Variants in ASB5 observed in about 807,000 individuals in gnomAD.
The protein encoded by ASB5 is ankyrin repeat and SOCS box protein 5.
A neutral mutation model predicts 42.1 loss-of-function variants in ASB5; 45 were observed. The observed-to-expected ratio is 1.07, with a 90% CI of 0.84 to 1.37. ASB5 has a LOEUF of 1.37. Among genes scored for constraint, ASB5 ranks in the 40% most tolerant of loss-of-function variants. The pLI is 0.00. For synonymous variants in ASB5, 147 were observed against 150.6 expected, an observed-to-expected ratio of 0.98 and a Z score of 0.18; for missense variants, 402 against 399.8, an observed-to-expected ratio of 1.01 and a Z score of -0.05.
chr4:176,224,221 ATTTTTTTTT>A (rs869080360), intron 2 of ASB5, among the ~76,000 whole-genome samples: 1,079 of 87,226 alleles, frequency 0.012, 24 homozygotes, highest in African/African-American at 0.048. Flanking sequence ...TGTGCATTTG[ATTTTTTTTT>A]TTTTTTTTTT....
intron 1 of ASB5, among the ~76,000 whole-genome samples, chr4:176,245,619 T>A (rs1753896092): frequency 6.6e-6 from 1 of 152,168 alleles, no homozygotes; most frequent in South Asian, 2.1e-4. Flanking sequence ...GTGGCACTAT[T>A]CACAATAGCA....
At chr4:176,219,915 G>A (rs948701637) in intron 5 of ASB5, among the ~76,000 whole-genome samples, 1 of 151,904 alleles carries the variant, frequency 6.6e-6, no homozygotes, top group Non-Finnish European at 1.5e-5. Context: ...AGGAATGAAA[G>A]GCTCTAAAGC....
rs140612441 is a variant in ASB5 at position 176,268,964 on chromosome 4, T to G, written c.145A>C (p.Lys49Gln). 8.7e-6 allele frequency: 14 copies of G among 1,613,148 alleles called. No homozygotes were observed. In the African/African-American group the frequency reaches 1.9e-4, roughly 22 times the overall value. ...SHFYIVKGNR[K>Q]EAARIAAEFY... Reference sequence around the variant, plus strand: ...TCAGCTGCTATCCTTGCCGCTTCCTTGCGGTTGCCTTTCACTATGTAGAAA... The same window carrying G: ...TCAGCTGCTATCCTTGCCGCTTCCTGGCGGTTGCCTTTCACTATGTAGAAA... Residue 49 changes from lysine to glutamine, a missense_variant, in exon 1 of 7, where the codon AAG becomes CAG. Transcript: ENST00000296525.
At chr4:176,265,872 T>G (rs1225070400) in intron 1 of ASB5, among the ~76,000 whole-genome samples, 1 of 152,058 alleles carries the variant, frequency 6.6e-6, no homozygotes, top group African/African-American at 2.4e-5. Flanking sequence ...GGAAGGATGA[T>G]ACAGGAGGTA....
At chr4:176,231,762 G>A (rs757924212) in intron 1 of ASB5, among the ~76,000 whole-genome samples, 7 of 151,816 alleles carry the variant, frequency 4.6e-5, no homozygotes, top group African/African-American at 1.2e-4. Flanking sequence ...TGAGAAGATC[G>A]CTAGAGCCCG....
At chr4:176,265,226 C>G (rs150122097) in intron 1 of ASB5, among the ~76,000 whole-genome samples, 23 of 152,132 alleles carry the variant, frequency 1.5e-4, no homozygotes, top group Non-Finnish European at 3.4e-4. Flanking sequence ...ACTCTCCACT[C>G]CAGCCAAATC....
chr4:176,218,006 A>G (rs1421055433), intron 5 of ASB5, among the ~76,000 whole-genome samples: 7 of 151,278 alleles, frequency 4.6e-5, no homozygotes, highest in Non-Finnish European at 1.0e-4. Flanking sequence ...TCGTGAAAAA[A>G]TTATATTCCA....
intron 1 of ASB5, among the ~76,000 whole-genome samples, chr4:176,253,756 G>C (rs1011640228): frequency 6.6e-6 from 1 of 152,152 alleles, no homozygotes; most frequent in Non-Finnish European, 1.5e-5. Context: ...CTGAAGCTGA[G>C]AGCCCAATCA....
chr4:176,264,207 C>T (rs892421750), intron 1 of ASB5, among the ~76,000 whole-genome samples: 7 of 152,196 alleles, frequency 4.6e-5, no homozygotes, highest in Admixed American at 3.9e-4. Flanking sequence ...GATTGTTTCT[C>T]AAGCAGCCTC....
rs557811902 is a variant in ASB5 at position 176,240,222 on chromosome 4, T to C, written c.197-14881A>G. The stretch of plus-strand genomic sequence containing the variant: ...AAAAATTGTAATCTATAGAAGATAA[T>C]GGACTCTGAATTATTATGGCTCAGA... On this transcript the variant is annotated intron_variant, in intron 1 of 6. Transcript: ENST00000296525. Among the ~76,000 whole-genome samples the C allele has an allele frequency of 2.3e-4, 35 of 152,288 alleles. 1 individual carries two copies. The East Asian group carries it at 6.6e-3, about 29-fold the overall frequency.
intron 2 of ASB5, among the ~76,000 whole-genome samples, chr4:176,223,174 TA>T (rs1343685745): frequency 4.6e-5 from 7 of 152,190 alleles, no homozygotes; most frequent in Non-Finnish European, 1.5e-5. Flanking sequence ...CTTTTGTCCC[TA>T]AATAGGTATG....
intron 1 of ASB5, among the ~76,000 whole-genome samples, chr4:176,229,338 A>G (rs1243031476): frequency 6.6e-6 from 1 of 152,146 alleles, no homozygotes; most frequent in African/African-American, 2.4e-5. Flanking sequence ...TTTCTAGTAT[A>G]CCATGATGAC....
upstream of ASB5, among the ~76,000 whole-genome samples, chr4:176,269,644 T>TA (rs11462344): frequency 0.65 from 99,281 of 151,922 alleles, 32,724 homozygotes; most frequent in Middle Eastern, 0.73. Context: ...TTTACTGATT[T>TA]AAAAAAACAT....
intron 5 of ASB5, among the ~76,000 whole-genome samples, chr4:176,218,834 T>A (rs867991380): frequency 3.2e-3 from 149 of 47,062 alleles, no homozygotes; most frequent in African/African-American, 0.015. Flanking sequence ...GTATGATATA[T>A]AAATATATAT....
intron 1 of ASB5, among the ~76,000 whole-genome samples, chr4:176,230,317 T>C (rs1366095070): frequency 6.6e-6 from 1 of 152,218 alleles, no homozygotes; most frequent in Admixed American, 6.5e-5. Context: ...AATATTTTTG[T>C]GTGCTGTCAC....
intron 1 of ASB5, among the ~76,000 whole-genome samples, chr4:176,230,680 G>A (rs889528457): frequency 1.3e-5 from 2 of 152,040 alleles, no homozygotes; most frequent in Non-Finnish European, 2.9e-5. Context: ...CCGAAATTTA[G>A]CAACTACGTA....
chr4:176,269,911 G>C (rs1042002914), upstream of ASB5, among the ~76,000 whole-genome samples: 2 of 152,124 alleles, frequency 1.3e-5, no homozygotes, highest in Admixed American at 6.6e-5. Flanking sequence ...AAACCTGGGA[G>C]GGAGGTGTCA....
At chr4:176,250,801 C>T (rs1251741153) in intron 1 of ASB5, among the ~76,000 whole-genome samples, 3 of 152,220 alleles carry the variant, frequency 2.0e-5, no homozygotes, top group Non-Finnish European at 4.4e-5. Flanking sequence ...CCAGCACCTA[C>T]ATCATAAGGT....
At chr4:176,274,248 T>G (rs1366314593) in intron 2 of ASB5, among the ~76,000 whole-genome samples, 1 of 152,184 alleles carries the variant, frequency 6.6e-6, no homozygotes, top group Admixed American at 6.6e-5. Flanking sequence ...TAGTTGCACC[T>G]GAAGTAGCTG....
Sources: allele counts gnomAD v4.1 joint callset (sites outside exome capture counted in the v4.1 genomes callset), GRCh38; gene constraint gnomAD v4.1.1; transcripts MANE v1.5; gene names NCBI Gene and HGNC (gene_info 2026-07-23, HGNC 2026-07-21).